The following SPRR2D variants were observed in gnomAD, a reference collection of about 807,000 sequenced individuals.
The protein encoded by SPRR2D is small proline-rich protein 2D.
For missense variants in SPRR2D, 81 were observed against 87.2 expected (o/e 0.93, Z 0.28); for synonymous variants, 43 against 32.8 (o/e 1.31, Z -1.06).
At chr1:153,040,669 T>C in intron 1 of SPRR2D, 2 of 483,722 alleles carry the variant, frequency 4.1e-6, no homozygotes, top group East Asian at 4.2e-5. Flanking sequence ...TCAGATACCA[T>C]GAGCAATCTC....
In SPRR2D at chr1:153,040,372, G is replaced by T. The variant is rs1285506352; in HGVS notation, c.-19-7C>A. On this transcript the variant is annotated splice_region_variant and splice_polypyrimidine_tract_variant and intron_variant, in intron 1 of 1. Transcript: ENST00000360379. ...CCTGCTGGAGTCTCAGGATCTGAAA[G>T]AAATGATACAACAGTGTTTGTGGGA... is the stretch of plus-strand genomic sequence containing the variant. The T allele has an allele frequency of 6.2e-7, 1 of 1,610,426 alleles. No homozygotes were observed. The highest frequency in any genetic ancestry group is 2.2e-5 in the East Asian group (1 of 44,878).
chr1:153,040,545 C>T, intron 1 of SPRR2D, 180 bp from the exon 2 acceptor site: 1 of 1,100,968 alleles, frequency 9.1e-7, no homozygotes, highest in Non-Finnish European at 1.3e-6. Flanking sequence ...TTCATTGGCC[C>T]TGGGAAATCT....
chr1:153,040,636 C>A lies in SPRR2D; in HGVS notation c.-19-271G>T, dbSNP rs1330320291. Reference sequence around the variant, plus strand: ...CATGTTATTTCTGTGAAAATAACATCTTTAGGAAAGGCAGTGACAAGTTCA... The same window carrying A: ...CATGTTATTTCTGTGAAAATAACATATTTAGGAAAGGCAGTGACAAGTTCA... On this transcript the variant is annotated intron_variant, in intron 1 of 1. Transcript: ENST00000360379. 6 of 590,026 alleles carry A rather than the reference C, an allele frequency of 1.0e-5. No individual in the cohort carries two copies. The East Asian group carries it at 2.0e-4, about 19-fold the overall frequency. The allele number at this position is 590,026 out of a possible 1,614,324, so 36.5% of individuals were successfully genotyped here.
chr1:153,040,391 T>C (rs768615451), intron 1 of SPRR2D, 26 bp from the exon 2 acceptor site: 31 of 1,609,030 alleles, frequency 1.9e-5, no homozygotes, highest in South Asian at 1.3e-4. Context: ...CAACAGTGTT[T>C]GTGGGAAGGG....
chr1:153,039,947 G>C lies in SPRR2D; in HGVS notation c.*181C>G. ...AGCTCCACCTGGACAGTGGCAGTAT[G>C]GCAGCCTCAGAAAGGGAATCTTTTG... On this transcript the variant is annotated 3_prime_UTR_variant, in exon 2 of 2. Transcript: ENST00000360379. 2 of 1,255,306 alleles carry C rather than the reference G, an allele frequency of 1.6e-6. No homozygotes were observed. The highest frequency in any genetic ancestry group is 2.2e-6 in the Non-Finnish European group (2 of 917,436). 77.8% of individuals were successfully genotyped at this position (1,255,306 alleles called of 1,614,324 possible).
In SPRR2D at chr1:153,040,459, T is replaced by A. The variant is rs980061329; in HGVS notation, c.-19-94A>T. The stretch of plus-strand genomic sequence containing the variant: ...AATACCATGAAATATTATTTCCCCA[T>A]CTCCAAGAAATTATTTAAACTCTTA... On this transcript the variant is annotated intron_variant, in intron 1 of 1. Coordinates refer to ENST00000360379, the MANE Select transcript of SPRR2D (RefSeq NM_006945.5). 3.5e-4 allele frequency: 546 copies of A among 1,547,984 alleles called. 1 individual carries two copies. Among genetic ancestry groups the A allele is most frequent in the Non-Finnish European group, 4.7e-4 (537 of 1,151,428 alleles).
chr1:153,040,825 G>A (rs919325345), intron 1 of SPRR2D: 1 of 181,352 alleles, frequency 5.5e-6, no homozygotes, highest in East Asian at 1.6e-4. Flanking sequence ...AAAACATGGG[G>A]AAAAAATACT....
chr1:153,040,455 C>T (rs1653960909), intron 1 of SPRR2D, 90 bp from the exon 2 acceptor site: 2 of 1,556,330 alleles, frequency 1.3e-6, no homozygotes, highest in Admixed American at 1.9e-5. Flanking sequence ...ATATTATTTC[C>T]CCATCTCCAA....
At chr1:153,040,531 T>C (rs1397103246) in intron 1 of SPRR2D, 166 bp from the exon 2 acceptor site, 2 of 1,221,858 alleles carry the variant, frequency 1.6e-6, no homozygotes, top group Admixed American at 2.8e-5. Flanking sequence ...CTTTAGCAAA[T>C]TGCTTCATTG....
At chr1:153,040,787 G>C (rs972570522) in intron 1 of SPRR2D, 4 of 195,122 alleles carry the variant, frequency 2.1e-5, no homozygotes, top group African/African-American at 9.5e-5. Context: ...CACCTGTTAA[G>C]ACACAAACCT....
At position 153,040,207 on chromosome 1, in the gene SPRR2D, G is replaced by A. The variant is rs1243584788; in HGVS notation, c.140C>T (p.Pro47Leu). ...PSPKCPQPCP[P>L]QQCQQKYPPV... ...AGGATATTTCTGCTGGCACTGCTGAGGTGGGCAGGGCTGTGGACACTTTGG... is the reference window on the plus strand; with the variant it reads ...AGGATATTTCTGCTGGCACTGCTGAAGTGGGCAGGGCTGTGGACACTTTGG... Residue 47 changes from proline to leucine, a missense_variant, in exon 2 of 2, where the codon CCT (proline) becomes CTT (leucine). Physicochemically the swap from Pro to Leu is moderately conservative, Grantham distance 98 (BLOSUM62 -3). Transcript: ENST00000360379. 1 of 1,612,912 alleles carries A rather than the reference G, an allele frequency of 6.2e-7. No individual in the cohort carries two copies. The highest frequency in any genetic ancestry group is 8.5e-7 in the Non-Finnish European group (1 of 1,179,860).
Position 153,040,227 on chromosome 1 carries a change from C to T in SPRR2D, c.120G>A (p.Lys40=), listed in dbSNP as rs189628351. Reference sequence around the variant, plus strand: ...GCTGAGGTGGGCAGGGCTGTGGACACTTTGGTGATGGGCAGGGCTCAGGGC... The same window carrying T: ...GCTGAGGTGGGCAGGGCTGTGGACATTTTGGTGATGGGCAGGGCTCAGGGC... The part of the protein sequence containing the change: ...PKCPEPCPSP[K]CPQPCPPQQC... The change falls in exon 2 of 2, where the codon AAG becomes AAA. Residue 40 remains lysine (K), a synonymous_variant. Transcript: ENST00000360379. 356 of 1,612,754 alleles carry T rather than the reference C, an allele frequency of 2.2e-4. 3 individuals carry two copies. In the East Asian group the frequency reaches 7.4e-3, roughly 34 times the overall value.
rs770973162 is a variant in SPRR2D, at chr1:153,040,290, G to A, written c.57C>T (p.Pro19=). The A allele has an allele frequency of 3.1e-6, 5 of 1,612,248 alleles. No homozygotes were observed. The Admixed American group carries it at 8.3e-5, about 27-fold the overall frequency. Residue 19 remains proline (P), a synonymous_variant, in exon 2 of 2, where the codon CCC becomes CCT. Coordinates refer to ENST00000360379, the MANE Select transcript of SPRR2D (RefSeq NM_006945.5). ...KQPCQPPPVC[P]TPKCPEPCPP... ...GACATGGCTCTGGGCACTTTGGCGTGGGGCACACAGGAGGTGGCTGGCAGG... is the reference window on the plus strand; with the variant it reads ...GACATGGCTCTGGGCACTTTGGCGTAGGGCACACAGGAGGTGGCTGGCAGG...
Position 153,039,800 on chromosome 1 carries a change from G to T in SPRR2D, c.*328C>A. 6.5e-6 allele frequency: 3 copies of T among 462,714 alleles called. No individual in the cohort carries two copies. In the South Asian group the frequency reaches 1.7e-4, roughly 27 times the overall value. 28.7% of individuals were successfully genotyped at this position (462,714 alleles called of 1,614,324 possible). On this transcript the variant is annotated 3_prime_UTR_variant, in exon 2 of 2. Transcript: ENST00000360379. ...AATTGCAAAGGTGGTAGAAGCTCAT[G>T]ACCAGGTGACAGACAGACACAGAAC...
intron 1 of SPRR2D, chr1:153,040,778 A>G (rs1653969004): frequency 9.5e-6 from 2 of 210,362 alleles, no homozygotes; most frequent in South Asian, 8.3e-5. Flanking sequence ...GGCTCTTGGC[A>G]CCTGTTAAGA....
Position 153,040,004 on chromosome 1 carries a change from T to C in SPRR2D, c.*124A>G, listed in dbSNP as rs1129951. The C allele has an allele frequency of 6.6e-7, 1 of 1,507,138 alleles. No homozygotes were observed. The highest frequency in any genetic ancestry group is 8.9e-7 in the Non-Finnish European group (1 of 1,120,558). The allele number at this position is 1,507,138 out of a possible 1,614,324, so 93.4% of individuals were successfully genotyped here. A position where few individuals can be genotyped will look rare whatever the true frequency, so the allele number is the denominator to read the frequency against. On this transcript the variant is annotated 3_prime_UTR_variant, in exon 2 of 2. Coordinates refer to ENST00000360379, the MANE Select transcript of SPRR2D (RefSeq NM_006945.5). Reference sequence around the variant, plus strand: ...CAGATCATCACAGGCAGGCCACAGGTTAAGGAGAAAGAAGCTCCCTGTGCA... The same window carrying C: ...CAGATCATCACAGGCAGGCCACAGGCTAAGGAGAAAGAAGCTCCCTGTGCA...
Position 153,040,148 on chromosome 1 carries a change from A to T in SPRR2D, c.199T>A (p.Cys67Ser). Reference protein sequence around the residue: ...VTPSPPCQPKCPPKSK With the variant: ...VTPSPPCQPKSPPKSK ...AGCTGTTACTTGCTCTTGGGTGGAC[A>T]CTTTGGCTGGCAGGGTGGGGAAGGT... Residue 67 changes from cysteine to serine, a missense_variant, in exon 2 of 2, where the codon TGT becomes AGT. Coordinates refer to ENST00000360379, the MANE Select transcript of SPRR2D (RefSeq NM_006945.5). 1 of 1,612,912 alleles carries T rather than the reference A, an allele frequency of 6.2e-7. No individual in the cohort carries two copies. Among genetic ancestry groups the T allele is most frequent in the Non-Finnish European group, 8.5e-7 (1 of 1,179,844 alleles).
Sources: allele counts gnomAD v4.1 joint callset, GRCh38; gene constraint gnomAD v4.1.1; transcripts MANE v1.5; gene names NCBI Gene and HGNC (gene_info 2026-07-23, HGNC 2026-07-21).